LIMK2: variants seen among roughly 807,000 people sequenced by gnomAD.
LIMK2 encodes LIM domain kinase 2.
A neutral mutation model predicts 75.7 loss-of-function variants in LIMK2; 35 were observed. The ratio of observed to expected loss-of-function variants is 0.46; its 90% CI spans 0.35 to 0.61. The LOEUF (loss-of-function observed/expected upper bound fraction) is 0.61. LIMK2 is among the 20% of genes least tolerant of loss of function. The pLI, the probability that LIMK2 is intolerant of heterozygous loss-of-function variation, is 0.00. For synonymous variants in LIMK2, 301 were observed against 319.2 expected, an observed-to-expected ratio of 0.94 and a Z score of 0.61; for missense variants, 623 against 831.0, an observed-to-expected ratio of 0.75 and a Z score of 3.08.
At chr22:31,237,617 C>T (rs1177487944) in intron 2 of LIMK2, among the ~76,000 whole-genome samples, 1 of 151,716 alleles carries the variant, frequency 6.6e-6, no homozygotes, top group East Asian at 1.9e-4. Context: ...ACAACCTACC[C>T]TCACAGTATT....
At chr22:31,248,649 C>T in intron 2 of LIMK2, 1 of 1,613,750 alleles carries the variant, frequency 6.2e-7, no homozygotes, top group Non-Finnish European at 8.5e-7. Flanking sequence ...TGGTGGCCAT[C>T]TACAGCCGGC....
At chr22:31,271,696 G>A (rs565810368) in intron 12 of LIMK2, among the ~76,000 whole-genome samples, 4 of 152,078 alleles carry the variant, frequency 2.6e-5, no homozygotes, top group South Asian at 2.1e-4. Context: ...GGTGTCTACC[G>A]GCTGGCCCTG....
intron 2 of LIMK2, among the ~76,000 whole-genome samples, chr22:31,226,681 C>T (rs1445097539): frequency 6.6e-6 from 1 of 152,264 alleles, no homozygotes; most frequent in Admixed American, 6.5e-5. Context: ...GTGATCTTGG[C>T]TCACTGCAAC....
intron 13 of LIMK2, 138 bp from the exon 14 acceptor site, chr22:31,273,314 C>T (rs548062913): frequency 1.1e-4 from 79 of 743,612 alleles, no homozygotes; most frequent in Non-Finnish European, 1.4e-4. Flanking sequence ...GTGGTGTCTG[C>T]GCAGGACAGC....
intron 2 of LIMK2, among the ~76,000 whole-genome samples, chr22:31,236,106 C>T (rs1007682950): frequency 6.6e-6 from 1 of 151,120 alleles, no homozygotes; most frequent in Non-Finnish European, 1.5e-5. Context: ...ACCAGCCTGG[C>T]CAACATGGTG....
At chr22:31,234,848 C>A (rs2048559398) in intron 2 of LIMK2, among the ~76,000 whole-genome samples, 1 of 152,122 alleles carries the variant, frequency 6.6e-6, no homozygotes, top group Non-Finnish European at 1.5e-5. Flanking sequence ...TCTGGACAGG[C>A]CCTCCTTCTG....
At chr22:31,223,722 C>T (rs912664809) in intron 1 of LIMK2, among the ~76,000 whole-genome samples, 6 of 152,210 alleles carry the variant, frequency 3.9e-5, no homozygotes, top group Non-Finnish European at 7.3e-5. Context: ...AGAGAGATGG[C>T]ATACTCTGTG....
At chr22:31,261,433 CT>C (rs2048837589) in intron 5 of LIMK2, among the ~76,000 whole-genome samples, 1 of 152,132 alleles carries the variant, frequency 6.6e-6, no homozygotes, top group Admixed American at 6.5e-5. Flanking sequence ...GTAGTCCCAG[CT>C]ACTCGGGAGG....
intron 1 of LIMK2, among the ~76,000 whole-genome samples, chr22:31,216,296 A>C (rs2048388325): frequency 6.6e-6 from 1 of 152,200 alleles, no homozygotes; most frequent in Admixed American, 6.5e-5. Flanking sequence ...AGGAGACAAA[A>C]GTAGGCAAGT....
intron 2 of LIMK2, among the ~76,000 whole-genome samples, chr22:31,243,950 C>G (rs1292149216): frequency 6.6e-6 from 1 of 152,228 alleles, no homozygotes; most frequent in Non-Finnish European, 1.5e-5. Flanking sequence ...AAGGTTCCTC[C>G]TGAAGTCTGA....
intron 7 of LIMK2, among the ~76,000 whole-genome samples, chr22:31,263,684 A>AAAT (rs1274879189): frequency 1.3e-5 from 2 of 150,980 alleles, no homozygotes; most frequent in East Asian, 1.9e-4. Flanking sequence ...TACAAAAAAA[A>AAAT]AATAATAATA....
chr22:31,230,573 G>A (rs2048519168), intron 2 of LIMK2, among the ~76,000 whole-genome samples: 1 of 152,118 alleles, frequency 6.6e-6, no homozygotes, highest in African/African-American at 2.4e-5. Context: ...AGGCTCCTGG[G>A]AACTTTCAGG....
chr22:31,273,955 C>T (rs552060095), intron 14 of LIMK2, among the ~76,000 whole-genome samples: 67 of 150,974 alleles, frequency 4.4e-4, no homozygotes, highest in Admixed American at 1.9e-3. Context: ...GCCTCAGCCT[C>T]TAAAAGTGCT....
intron 3 of LIMK2, 40 bp downstream of exon 3, chr22:31,258,466 G>T (rs768211480): frequency 2.0e-5 from 33 of 1,610,464 alleles, no homozygotes; most frequent in Non-Finnish European, 2.8e-5. Context: ...TTGGTCTTCA[G>T]AGTCCATTGA....
At chr22:31,271,355 C>G (rs1227984563) in intron 12 of LIMK2, among the ~76,000 whole-genome samples, 154 bp downstream of exon 12, 1 of 152,170 alleles carries the variant, frequency 6.6e-6, no homozygotes, top group African/African-American at 2.4e-5. Flanking sequence ...ATGCCCTTCT[C>G]TGTCCTCTGG....
chr22:31,276,569 G>A (rs1321883493), intron 15 of LIMK2, among the ~76,000 whole-genome samples: 1 of 145,592 alleles, frequency 6.9e-6, no homozygotes, highest in African/African-American at 2.5e-5. Flanking sequence ...GCTGCCCCCG[G>A]GCGCCCCCGC....
At chr22:31,221,508 A>G (rs1354142419) in intron 1 of LIMK2, among the ~76,000 whole-genome samples, 2 of 152,056 alleles carry the variant, frequency 1.3e-5, no homozygotes, top group African/African-American at 4.8e-5. Context: ...TTTTTGAGAC[A>G]GAGTCTCGCT....
At chr22:31,220,851 A>G (rs1249803677) in intron 1 of LIMK2, among the ~76,000 whole-genome samples, 1 of 152,160 alleles carries the variant, frequency 6.6e-6, no homozygotes, top group Admixed American at 6.5e-5. Context: ...AATCCCAGCT[A>G]TACTCGGGAG....
At chr22:31,256,361 G>C (rs1568995072) in intron 2 of LIMK2, among the ~76,000 whole-genome samples, 1 of 150,566 alleles carries the variant, frequency 6.6e-6, no homozygotes, top group Non-Finnish European at 1.5e-5. Flanking sequence ...TGTTTTTTGA[G>C]ACAGAGTCTG....
Sources: gnomAD v4.1 joint callset for allele counts (sites outside exome capture counted in the v4.1 genomes callset) on GRCh38, gnomAD v4.1.1 for gene constraint, MANE v1.5 for transcripts, NCBI Gene and HGNC (gene_info 2026-07-23, HGNC 2026-07-21) for gene names.